Variants in LATS2 observed in about 807,000 individuals in gnomAD.
The protein encoded by LATS2 is serine/threonine-protein kinase LATS2.
Under a neutral mutation model 76.0 loss-of-function variants are expected in LATS2, and 24 were observed. The ratio of observed to expected loss-of-function variants is 0.32; its 90% CI spans 0.23 to 0.44. The LOEUF is 0.44. LATS2 is among the 20% of genes least tolerant of loss of function. The probability of loss-of-function intolerance (pLI) is 1.00; values close to 1 mark genes in which losing one functional copy is unlikely to be tolerated. For synonymous variants in LATS2, 692 were observed against 635.4 expected (o/e 1.09, Z -1.34); for missense variants, 1,286 against 1,481.2 (o/e 0.87, Z 2.16).
rs571483338 is a variant in LATS2 at position 20,983,238 on chromosome 13, T to C, written c.2468A>G (p.Lys823Arg). The change falls in exon 5 of 8, where the codon AAA becomes AGA. Residue 823 changes from lysine to arginine, a missense_variant. Physicochemically the swap from Lys to Arg is conservative, Grantham distance 26 (BLOSUM62 2). Coordinates refer to ENST00000382592, the MANE Select transcript of LATS2 (RefSeq NM_014572.3). Reference sequence around the variant, plus strand: ...TCAGACAATACCTTTCTGGTAATATTTGGAATTGTGAGTCCACCTGAACCC... The same window carrying C: ...TCAGACAATACCTTTCTGGTAATATCTGGAATTGTGAGTCCACCTGAACCC... ...CTGFRWTHNS[K>R]YYQKGSHVRQ... is the part of the protein sequence containing the mutation. 4.3e-6 allele frequency: 7 copies of C among 1,610,898 alleles called. No individual in the cohort carries two copies. The highest frequency in any genetic ancestry group is 4.0e-5 in the African/African-American group (3 of 74,934).
At chr13:20,994,021 T>C (rs770984282) in intron 2 of LATS2, among the ~76,000 whole-genome samples, 3 of 152,214 alleles carry the variant, frequency 2.0e-5, no homozygotes, top group Non-Finnish European at 1.5e-5. Flanking sequence ...CCAGTACCTG[T>C]TGACTGCCAA....
At chr13:21,047,625 G>A (rs1873119197) in intron 1 of LATS2, among the ~76,000 whole-genome samples, 2 of 152,028 alleles carry the variant, frequency 1.3e-5, no homozygotes, top group Admixed American at 1.3e-4. Flanking sequence ...TGGGCAGAGG[G>A]ATCTGGATGT....
rs571190046 is a variant in LATS2, at chr13:21,060,157, C to A, written c.-205+1189G>T. Among the ~76,000 whole-genome samples the A allele has an allele frequency of 5.9e-5, 9 of 152,284 alleles. No homozygotes were observed. In the East Asian group the frequency reaches 7.7e-4, roughly 13 times the overall value. On this transcript the variant is annotated intron_variant, in intron 1 of 7. Transcript: ENST00000382592. The stretch of plus-strand genomic sequence containing the variant: ...TCTTCAGGGTCCATTCCTCGCCTCG[C>A]CCCCCGTTCCCAACCCTCGGGACAC...
chr13:21,043,890 G>C (rs1002557432), intron 2 of LATS2, among the ~76,000 whole-genome samples: 4 of 152,110 alleles, frequency 2.6e-5, no homozygotes, highest in Admixed American at 2.0e-4. Flanking sequence ...GTGATTTACA[G>C]GAGAAGATTT....
intron 1 of LATS2, among the ~76,000 whole-genome samples, chr13:21,051,299 T>A (rs1251436517): frequency 6.6e-6 from 1 of 152,222 alleles, no homozygotes; most frequent in African/African-American, 2.4e-5. Context: ...GATTTGCCTC[T>A]GACTTTAAGG....
chr13:20,988,868 GA>G lies in LATS2; in HGVS notation c.911del (p.Phe304SerfsTer129). On this transcript the variant is annotated frameshift_variant, in exon 4 of 8. Transcript: ENST00000382592. LOFTEE classifies it high-confidence loss of function. ...CGTAGAGCCCGGCGGCAGGGGGTGGGAAAGCGAGGCCGGCGCCTGGCGGTCC... is the reference window on the plus strand; with the variant it reads ...CGTAGAGCCCGGCGGCAGGGGGTGGGAAGCGAGGCCGGCGCCTGGCGGTCC... ...QGGPPGAGLAFPPPAAGLYVP... is the reference protein window; with the variant it reads ...QGGPPGAGLAXPPPAAGLYVP... The G allele has an allele frequency of 6.3e-7, 1 of 1,577,780 alleles. No homozygotes were observed.
At chr13:21,051,661 G>GAAAAA (rs1361817265) in intron 1 of LATS2, among the ~76,000 whole-genome samples, 1 of 152,162 alleles carries the variant, frequency 6.6e-6, no homozygotes, top group African/African-American at 2.4e-5. Flanking sequence ...GACCAAAGGT[G>GAAAAA]AAAAAGCACA....
At chr13:21,026,384 A>G (rs139462664) in intron 2 of LATS2, among the ~76,000 whole-genome samples, 47 of 152,168 alleles carry the variant, frequency 3.1e-4, no homozygotes, top group Non-Finnish European at 6.0e-4. Flanking sequence ...TTTTGTGTTC[A>G]GCATCTTTCG....
chr13:21,029,307 T>A (rs978342411), intron 2 of LATS2, among the ~76,000 whole-genome samples: 5 of 152,266 alleles, frequency 3.3e-5, no homozygotes, highest in Non-Finnish European at 5.9e-5. Context: ...TCTGAAATGC[T>A]TACTCTATCT....
At chr13:21,017,426 C>T (rs190328728) in intron 2 of LATS2, among the ~76,000 whole-genome samples, 25 of 152,118 alleles carry the variant, frequency 1.6e-4, no homozygotes, top group African/African-American at 5.1e-4. Context: ...CCACCAGCCT[C>T]GGCCTCTCAA....
chr13:20,988,256 G>T lies in LATS2; in HGVS notation c.1524C>A (p.Gly508=). The T allele has an allele frequency of 1.2e-6, 2 of 1,600,104 alleles. No individual in the cohort carries two copies. Among genetic ancestry groups the T allele is most frequent in the Non-Finnish European group, 1.7e-6 (2 of 1,178,710 alleles). Residue 508 remains glycine (G), a synonymous_variant, in exon 4 of 8, where the codon GGC becomes GGA. Transcript: ENST00000382592. ...GCGGAGGCGGGCACCTCCGGTCTGG[G>T]CCTCCGTACTCCACGTCCAGCGGGA... ...GAFPLDVEYG[G]PDRRCPPPPY...
intron 2 of LATS2, among the ~76,000 whole-genome samples, chr13:21,040,927 A>C (rs1178961000): frequency 6.6e-6 from 1 of 152,160 alleles, no homozygotes; most frequent in East Asian, 1.9e-4. Flanking sequence ...GAGAGACATT[A>C]AACTGAGAGA....
Position 20,975,130 on chromosome 13 carries a change from C to T in LATS2, c.3007G>A (p.Asp1003Asn), listed in dbSNP as rs1278939497. The T allele has an allele frequency of 6.2e-7, 1 of 1,614,092 alleles. No homozygotes were observed. Residue 1003 changes from aspartate to asparagine, a missense_variant, in exon 8 of 8, where the codon GAC (aspartate) becomes AAC (asparagine). Physicochemically the swap from Asp to Asn is conservative, Grantham distance 23. This residue lies in a region of LATS2 where 210 missense variants were observed against 234.9 expected (regional missense o/e 0.89). Transcript: ENST00000382592. ...CAAGGGCTTTCTTCATCTACGGGGT[C>T]GAAATTCGAGGTGTCCATGGGGTGG... is the stretch of plus-strand genomic sequence containing the variant. The part of the protein sequence containing the change: ...ISHPMDTSNF[D>N]PVDEESPWND...
intron 2 of LATS2, among the ~76,000 whole-genome samples, chr13:21,010,302 C>A (rs1166226753): frequency 1.3e-5 from 2 of 152,132 alleles, no homozygotes; most frequent in African/African-American, 4.8e-5. Flanking sequence ...CAACTCTCCT[C>A]CCCTGCCAAC....
chr13:21,059,148 T>C (rs750153923), intron 1 of LATS2, among the ~76,000 whole-genome samples: 3 of 152,242 alleles, frequency 2.0e-5, no homozygotes, highest in Non-Finnish European at 2.9e-5. Flanking sequence ...TGTTTCTTAT[T>C]AAAATACGGG....
intron 2 of LATS2, among the ~76,000 whole-genome samples, chr13:21,015,542 A>C (rs1413895502): frequency 6.6e-6 from 1 of 152,226 alleles, no homozygotes; most frequent in African/African-American, 2.4e-5. Context: ...AAGATAAGCA[A>C]AATAATTTGG....
At chr13:21,027,297 C>CA (rs1872345355) in intron 2 of LATS2, among the ~76,000 whole-genome samples, 1 of 152,120 alleles carries the variant, frequency 6.6e-6, no homozygotes, top group African/African-American at 2.4e-5. Flanking sequence ...CTCAAGGTTG[C>CA]AAGATTTTAT....
intron 2 of LATS2, among the ~76,000 whole-genome samples, chr13:21,013,039 G>A (rs1303010914): frequency 6.6e-6 from 1 of 152,162 alleles, no homozygotes; most frequent in Non-Finnish European, 1.5e-5. Context: ...ATTCAGTGCT[G>A]AGGAATACCA....
chr13:20,990,960 T>C (rs1406475079), intron 3 of LATS2, among the ~76,000 whole-genome samples: 1 of 152,258 alleles, frequency 6.6e-6, no homozygotes, highest in African/African-American at 2.4e-5. Context: ...ACGCCCGCTT[T>C]GCTGACTTTT....
Sources: allele counts gnomAD v4.1 joint callset (sites outside exome capture counted in the v4.1 genomes callset), GRCh38; gene constraint gnomAD v4.1.1; regional missense constraint gnomAD v4.1.1; transcripts MANE v1.5; gene names NCBI Gene and HGNC (gene_info 2026-07-23, HGNC 2026-07-21).